Variants in SRBD1 observed in about 807,000 individuals in gnomAD.
SRBD1 encodes S1 RNA-binding domain-containing protein 1.
In SRBD1, 88 loss-of-function variants were observed where a neutral mutation model predicts 115.3. The observed-to-expected ratio is 0.76, with a 90% CI of 0.64 to 0.91. The LOEUF is 0.91. Among genes scored for constraint, SRBD1 ranks in the 40% least tolerant of loss-of-function variants. SRBD1 has a pLI of 0.00. For missense variants in SRBD1, 1,385 were observed against 1,177.4 expected, an observed-to-expected ratio of 1.18 and a Z score of -2.58; for synonymous variants, 509 against 407.7, an observed-to-expected ratio of 1.25 and a Z score of -2.99.
At chr2:45,551,810 A>T (rs1421121999) in intron 11 of SRBD1, among the ~76,000 whole-genome samples, 1 of 152,224 alleles carries the variant, frequency 6.6e-6, no homozygotes, top group Admixed American at 6.5e-5. Context: ...AAGAGCTTGG[A>T]TTCTATCCTG....
intron 16 of SRBD1, among the ~76,000 whole-genome samples, chr2:45,452,840 T>A (rs1347543864): frequency 6.6e-6 from 1 of 151,954 alleles, no homozygotes; most frequent in African/African-American, 2.4e-5. Flanking sequence ...TAACAGTTTC[T>A]TTTATTAGGG....
intron 14 of SRBD1, among the ~76,000 whole-genome samples, chr2:45,491,561 G>A (rs1193928485): frequency 1.2e-4 from 18 of 152,028 alleles, no homozygotes. Flanking sequence ...AGTATTTCAA[G>A]CTTTAGATAT....
chr2:45,576,613 T>A (rs914753551), intron 7 of SRBD1, among the ~76,000 whole-genome samples: 6 of 152,224 alleles, frequency 3.9e-5, no homozygotes, highest in Non-Finnish European at 8.8e-5. Context: ...GGAGACTGTA[T>A]ATCTAATGGA....
chr2:45,569,656 T>G (rs1207541190), intron 9 of SRBD1, among the ~76,000 whole-genome samples: 1 of 152,176 alleles, frequency 6.6e-6, no homozygotes, highest in Non-Finnish European at 1.5e-5. Flanking sequence ...ACTGGCAGTT[T>G]CCTAATTTCA....
At chr2:45,501,911 T>C (rs769452794) in intron 14 of SRBD1, among the ~76,000 whole-genome samples, 1 of 152,194 alleles carries the variant, frequency 6.6e-6, no homozygotes, top group Non-Finnish European at 1.5e-5. Context: ...CAGACTCAAA[T>C]GTCCCTGTCT....
chr2:45,512,408 A>T (rs954994654), intron 14 of SRBD1, among the ~76,000 whole-genome samples: 5 of 152,166 alleles, frequency 3.3e-5, no homozygotes, highest in African/African-American at 1.2e-4. Flanking sequence ...CACTTACCCA[A>T]TGAAAAGAAA....
At chr2:45,567,334 G>T (rs1220332470) in intron 9 of SRBD1, among the ~76,000 whole-genome samples, 2 of 152,116 alleles carry the variant, frequency 1.3e-5, no homozygotes, top group Non-Finnish European at 2.9e-5. Flanking sequence ...TTTCGGCTGG[G>T]TATGGGGGCT....
chr2:45,405,700 A>G (rs955718027), intron 19 of SRBD1, among the ~76,000 whole-genome samples: 1 of 152,176 alleles, frequency 6.6e-6, no homozygotes, highest in African/African-American at 2.4e-5. Flanking sequence ...AGACAACATA[A>G]AAGTCATGGT....
chr2:45,521,651 T>C (rs1671286464), intron 14 of SRBD1, among the ~76,000 whole-genome samples: 1 of 152,072 alleles, frequency 6.6e-6, no homozygotes, highest in Non-Finnish European at 1.5e-5. Flanking sequence ...CTCCTACATA[T>C]ATATTACCAG....
intron 7 of SRBD1, among the ~76,000 whole-genome samples, chr2:45,577,428 G>A (rs1205851662): frequency 1.3e-5 from 2 of 152,108 alleles, no homozygotes; most frequent in African/African-American, 4.8e-5. Context: ...CCCAGCTACA[G>A]AATCTTCAAA....
At chr2:45,602,230 T>C in intron 2 of SRBD1, 147 bp from the exon 3 acceptor site, 1 of 914,244 alleles carries the variant, frequency 1.1e-6, no homozygotes, top group Non-Finnish European at 1.6e-6. Context: ...TGAACAGTTA[T>C]TGCTAAGAAT....
chr2:45,552,385 A>G (rs1672329766), intron 11 of SRBD1, among the ~76,000 whole-genome samples: 1 of 152,230 alleles, frequency 6.6e-6, no homozygotes, highest in Non-Finnish European at 1.5e-5. Flanking sequence ...ACTCTTGCTT[A>G]TCTACTGCTA....
At chr2:45,463,687 T>C (rs17322111) in intron 16 of SRBD1, among the ~76,000 whole-genome samples, 52,158 of 152,112 alleles carry the variant, frequency 0.34, 9,908 homozygotes, top group Non-Finnish European at 0.44. Context: ...GTGTGCCAAA[T>C]GGTTATCCAC....
chr2:45,433,759 C>T (rs1668408400), intron 16 of SRBD1, among the ~76,000 whole-genome samples: 1 of 152,246 alleles, frequency 6.6e-6, no homozygotes, highest in Non-Finnish European at 1.5e-5. Flanking sequence ...TGTGTTCTAG[C>T]TCCTGATCAC....
At chr2:45,529,661 A>C (rs1180730807) in intron 14 of SRBD1, among the ~76,000 whole-genome samples, 1 of 151,982 alleles carries the variant, frequency 6.6e-6, no homozygotes, top group East Asian at 1.9e-4. Flanking sequence ...CCAGATACAG[A>C]GTCTCCCAAA....
At chr2:45,512,395 C>T (rs572519724) in intron 14 of SRBD1, among the ~76,000 whole-genome samples, 3 of 152,260 alleles carry the variant, frequency 2.0e-5, no homozygotes, top group East Asian at 1.9e-4. Flanking sequence ...TGAGAATACG[C>T]ATCACTTACC....
At chr2:45,451,518 A>T (rs182004794) in intron 16 of SRBD1, among the ~76,000 whole-genome samples, 11 of 152,146 alleles carry the variant, frequency 7.2e-5, no homozygotes, top group Non-Finnish European at 1.5e-4. Context: ...GAGAGATAGC[A>T]TTCATGAGAT....
At chr2:45,439,898 C>T (rs544518430) in intron 16 of SRBD1, among the ~76,000 whole-genome samples, 19 of 152,198 alleles carry the variant, frequency 1.2e-4, no homozygotes, top group African/African-American at 2.4e-4. Flanking sequence ...ATCTGTCTCT[C>T]GGGTTTCATA....
intron 1 of SRBD1, 96 bp from the exon 2 acceptor site, chr2:45,605,537 G>A: frequency 3.5e-6 from 4 of 1,143,154 alleles, no homozygotes; most frequent in Admixed American, 2.0e-5. Context: ...ACATTTCATA[G>A]GAAAAAAACA....
Sources: allele counts gnomAD v4.1 joint callset (sites outside exome capture counted in the v4.1 genomes callset), GRCh38; gene constraint gnomAD v4.1.1; transcripts MANE v1.5; gene names NCBI Gene and HGNC (gene_info 2026-07-23, HGNC 2026-07-21).